Variants in CYP7B1 observed in about 807,000 individuals in gnomAD.
The protein encoded by CYP7B1 is cytochrome P450 7B1.
Under a neutral mutation model 42.7 loss-of-function variants are expected in CYP7B1, and 29 were observed. That is an observed-to-expected ratio of 0.68 (90% CI 0.51 to 0.93). CYP7B1 has a LOEUF of 0.93. Ranked by LOEUF, CYP7B1 falls within the 40% of genes least tolerant of loss-of-function variation. The probability of loss-of-function intolerance (pLI) is 0.00; values close to 1 mark genes in which losing one functional copy is unlikely to be tolerated. For missense variants in CYP7B1, 655 were observed against 600.5 expected, an observed-to-expected ratio of 1.09 and a Z score of -0.95; for synonymous variants, 235 against 218.2, an observed-to-expected ratio of 1.08 and a Z score of -0.68.
chr8:64,787,405 C>T (rs1247059981), intron 1 of CYP7B1, among the ~76,000 whole-genome samples: 1 of 152,228 alleles, frequency 6.6e-6, no homozygotes, highest in East Asian at 1.9e-4. Flanking sequence ...CAAAATGCCA[C>T]CAGACTCTCT....
At chr8:64,626,218 T>C (rs1274020466) in intron 1 of CYP7B1, among the ~76,000 whole-genome samples, 3 of 152,156 alleles carry the variant, frequency 2.0e-5, no homozygotes, top group Non-Finnish European at 4.4e-5. Context: ...AGCTGCTCTC[T>C]GGCCCCTTTA....
intron 1 of CYP7B1, among the ~76,000 whole-genome samples, chr8:64,685,233 CGCCT>C (rs1370868470): frequency 6.0e-5 from 9 of 150,450 alleles, no homozygotes; most frequent in Non-Finnish European, 1.3e-4. Flanking sequence ...AAGGAGCAGC[CGCCT>C]GCCTTGGCCT....
chr8:64,631,919 A>T (rs1805702389), intron 1 of CYP7B1, among the ~76,000 whole-genome samples: 1 of 151,758 alleles, frequency 6.6e-6, no homozygotes, highest in African/African-American at 2.4e-5. Context: ...AAAGACAACA[A>T]GTGTTGCTAA....
chr8:64,771,677 C>G (rs753390942), intron 1 of CYP7B1, among the ~76,000 whole-genome samples: 1 of 152,192 alleles, frequency 6.6e-6, no homozygotes, highest in South Asian at 2.1e-4. Context: ...GCTGTAGTCT[C>G]TTGCTTGTTT....
At chr8:64,784,028 TA>T (rs1349397689) in intron 1 of CYP7B1, among the ~76,000 whole-genome samples, 8 of 152,302 alleles carry the variant, frequency 5.3e-5, no homozygotes, top group Admixed American at 3.9e-4. Flanking sequence ...TTTACCAAGG[TA>T]TCAGTCCTTG....
chr8:64,656,734 T>C (rs1806126255), intron 1 of CYP7B1, among the ~76,000 whole-genome samples: 1 of 152,186 alleles, frequency 6.6e-6, no homozygotes, highest in Non-Finnish European at 1.5e-5. Context: ...ATCCTTTCAG[T>C]TGGTACAGTT....
chr8:64,724,603 G>A (rs912120276), intron 1 of CYP7B1, among the ~76,000 whole-genome samples: 2 of 152,150 alleles, frequency 1.3e-5, no homozygotes, highest in Non-Finnish European at 2.9e-5. Context: ...AAGCAAGTCT[G>A]GCTGGAAGCT....
chr8:64,762,858 A>G (rs1314822889), intron 1 of CYP7B1, among the ~76,000 whole-genome samples: 2 of 152,204 alleles, frequency 1.3e-5, no homozygotes, highest in Non-Finnish European at 2.9e-5. Context: ...GGTGAATAGT[A>G]TATGTTTTTT....
intron 1 of CYP7B1, among the ~76,000 whole-genome samples, chr8:64,673,421 G>A (rs983366963): frequency 6.6e-6 from 1 of 152,032 alleles, no homozygotes; most frequent in Non-Finnish European, 1.5e-5. Context: ...AAGATAATAG[G>A]TTTCAGCCTG....
At chr8:64,752,071 G>C (rs576468195) in intron 1 of CYP7B1, among the ~76,000 whole-genome samples, 1 of 151,938 alleles carries the variant, frequency 6.6e-6, no homozygotes, top group Admixed American at 6.6e-5. Context: ...CCACTTTCCA[G>C]GGATGTACTG....
intron 1 of CYP7B1, among the ~76,000 whole-genome samples, chr8:64,788,929 T>C (rs1232813102): frequency 1.3e-5 from 2 of 152,174 alleles, no homozygotes; most frequent in Non-Finnish European, 2.9e-5. Context: ...GCACTCTTTT[T>C]TCTTATTTTC....
chr8:64,734,701 G>T (rs1403648865), intron 1 of CYP7B1, among the ~76,000 whole-genome samples: 1 of 152,202 alleles, frequency 6.6e-6, no homozygotes, highest in Non-Finnish European at 1.5e-5. Flanking sequence ...ATGTTTATTT[G>T]TAGTCCTATA....
chr8:64,674,600 A>T (rs531716659), intron 1 of CYP7B1, among the ~76,000 whole-genome samples: 4 of 152,278 alleles, frequency 2.6e-5, no homozygotes, highest in East Asian at 3.9e-4. Flanking sequence ...ATTACATGAA[A>T]AAAGGCAAAG....
At chr8:64,749,642 A>G (rs1048399502) in intron 1 of CYP7B1, among the ~76,000 whole-genome samples, 3 of 152,198 alleles carry the variant, frequency 2.0e-5, no homozygotes, top group Non-Finnish European at 4.4e-5. Context: ...TCATGTGGCT[A>G]TATTTCTATG....
chr8:64,634,118 A>G (rs1805735673), intron 1 of CYP7B1, among the ~76,000 whole-genome samples: 1 of 152,210 alleles, frequency 6.6e-6, no homozygotes, highest in Non-Finnish European at 1.5e-5. Flanking sequence ...CTGCTTTTGA[A>G]GAGTAGTTGT....
chr8:64,617,674 TTGTGTC>T (rs1805468096), intron 2 of CYP7B1, among the ~76,000 whole-genome samples: 1 of 151,974 alleles, frequency 6.6e-6, no homozygotes, highest in African/African-American at 2.4e-5. Flanking sequence ...TTATTCCTGT[TTGTGTC>T]TGTGTGTCTG....
chr8:64,616,034 C>G lies in CYP7B1; in HGVS notation c.507G>C (p.Leu169=). The G allele has an allele frequency of 6.2e-7, 1 of 1,613,696 alleles. No homozygotes were observed. Among genetic ancestry groups the G allele is most frequent in the Non-Finnish European group, 8.5e-7 (1 of 1,179,810 alleles). The change falls in exon 3 of 6, where the codon CTG becomes CTC. Residue 169 remains leucine, a synonymous_variant. Coordinates refer to ENST00000310193, the MANE Select transcript of CYP7B1 (RefSeq NM_004820.5). ...QNLKQVFEPQ[L]LKTTSWDTAE... is the part of the protein sequence containing the mutation. ...CCGTGTCCCAACTTGTGGTTTTTAA[C>G]AGCTGGGGTTCAAAAACTTGTTTTA... is the stretch of plus-strand genomic sequence containing the variant.
intron 1 of CYP7B1, chr8:64,727,925 A>T (rs1449371777): frequency 6.6e-6 from 1 of 152,236 alleles, no homozygotes; most frequent in African/African-American, 2.4e-5. Flanking sequence ...GTATGGATCA[A>T]GAACATTTAA....
chr8:64,752,073 G>T (rs543567534), intron 1 of CYP7B1, among the ~76,000 whole-genome samples: 2 of 151,806 alleles, frequency 1.3e-5, no homozygotes, highest in Non-Finnish European at 2.9e-5. Flanking sequence ...ACTTTCCAGG[G>T]ATGTACTGTG....
Sources: gnomAD v4.1 joint callset for allele counts (sites outside exome capture counted in the v4.1 genomes callset) on GRCh38, gnomAD v4.1.1 for gene constraint, MANE v1.5 for transcripts, NCBI Gene and HGNC (gene_info 2026-07-23, HGNC 2026-07-21) for gene names.